PTCH1: variants seen among roughly 807,000 people sequenced by gnomAD.
The protein encoded by PTCH1 is protein patched homolog 1.
A neutral mutation model predicts 144.6 loss-of-function variants in PTCH1; 14 were observed. The ratio of observed to expected loss-of-function variants is 0.10; its 90% CI spans 0.06 to 0.15. PTCH1 has a LOEUF of 0.15. PTCH1 is among the 10% of genes least tolerant of loss of function. The pLI, the probability that PTCH1 is intolerant of heterozygous loss-of-function variation, is 1.00. For missense variants in PTCH1, 1,623 were observed against 1,948.3 expected (o/e 0.83, Z 3.14); for synonymous variants, 833 against 793.6 (o/e 1.05, Z -0.83).
At chr9:95,487,072 G>T (rs1842028287) in intron 2 of PTCH1, among the ~76,000 whole-genome samples, 1 of 152,190 alleles carries the variant, frequency 6.6e-6, no homozygotes, top group African/African-American at 2.4e-5. Context: ...GTTTGGACAA[G>T]TAAATAAGGA....
At position 95,478,874 on chromosome 9, in the gene PTCH1, C is replaced by T. The variant is rs188052079; in HGVS notation, c.1215+126G>A. On this transcript the variant is annotated intron_variant, in intron 8 of 23. Transcript: ENST00000331920. The stretch of plus-strand genomic sequence containing the variant: ...AAAGAAGAGGAAAAAAGTTTTCATC[C>T]CATCAAGTTCCCAGAATTGCAATGT... 1.0e-5 allele frequency: 15 copies of T among 1,445,286 alleles called. No individual in the cohort carries two copies. The East Asian group carries it at 3.7e-4, about 35-fold the overall frequency. 89.5% of individuals were successfully genotyped at this position (1,445,286 alleles called of 1,614,324 possible).
At chr9:95,505,259 C>A (rs1027672136) in intron 2 of PTCH1, among the ~76,000 whole-genome samples, 2 of 152,200 alleles carry the variant, frequency 1.3e-5, no homozygotes, top group African/African-American at 4.8e-5. Flanking sequence ...CATAACTCTT[C>A]AGCTTCCACA....
chr9:95,477,533 G>A lies in PTCH1; in HGVS notation c.1503+14C>T. ...ATTTGTCAACGGACAGCAGATAAAT[G>A]GCTCCTTTAGTACCTGAGTTGTTGC... On this transcript the variant is annotated intron_variant, in intron 10 of 23. Transcript: ENST00000331920. The A allele has an allele frequency of 6.2e-7, 1 of 1,614,122 alleles. No homozygotes were observed. Among genetic ancestry groups the A allele is most frequent in the South Asian group, 1.1e-5 (1 of 91,068 alleles).
At chr9:95,489,071 AT>A (rs1278553345) in intron 2 of PTCH1, among the ~76,000 whole-genome samples, 3 of 152,340 alleles carry the variant, frequency 2.0e-5, no homozygotes, top group Non-Finnish European at 4.4e-5. Flanking sequence ...CACGACACTC[AT>A]ATATTCTGAC....
intron 8 of PTCH1, 147 bp downstream of exon 8, chr9:95,478,853 A>G: frequency 8.0e-7 from 1 of 1,254,870 alleles, no homozygotes; most frequent in Admixed American, 2.1e-5. Flanking sequence ...AATATCAAAG[A>G]AGAGGAAAAA....
chr9:95,506,612 C>G lies in PTCH1; in HGVS notation c.202-13G>C, dbSNP rs1843669805. Reference sequence around the variant, plus strand: ...CAGTAGCCTTCCCCTGGGGACGAAGCAGAAGGGAGGAGTGAGCGCCGGGGA... The same window carrying G: ...CAGTAGCCTTCCCCTGGGGACGAAGGAGAAGGGAGGAGTGAGCGCCGGGGA... On this transcript the variant is annotated splice_polypyrimidine_tract_variant and intron_variant, in intron 1 of 23. Transcript: ENST00000331920. The G allele has an allele frequency of 6.2e-7, 1 of 1,604,490 alleles. No homozygotes were observed.
intron 20 of PTCH1, chr9:95,450,270 C>T (rs16909875): frequency 0.011 from 3,943 of 371,116 alleles, 122 homozygotes; most frequent in African/African-American, 0.074. Flanking sequence ...ATATGGAATG[C>T]GACCTGAATG....
chr9:95,451,692 C>T (rs574657596), intron 20 of PTCH1: 1 of 152,312 alleles, frequency 6.6e-6, no homozygotes. Flanking sequence ...TGCTGTTGTG[C>T]AAATGGCACT....
At chr9:95,488,492 A>G (rs1842147879) in intron 2 of PTCH1, among the ~76,000 whole-genome samples, 1 of 152,234 alleles carries the variant, frequency 6.6e-6, no homozygotes, top group African/African-American at 2.4e-5. Flanking sequence ...ATTTCATCTT[A>G]TATTTAACCA....
intron 12 of PTCH1, chr9:95,474,270 G>C: frequency 3.3e-6 from 1 of 306,238 alleles, no homozygotes; most frequent in Non-Finnish European, 6.5e-6. Flanking sequence ...GGCAGACAGG[G>C]TCCCATGACT....
chr9:95,516,828 G>A (rs748442274), exon 1 of PTCH1: 28 of 1,593,616 alleles, frequency 1.8e-5, no homozygotes, highest in Non-Finnish European at 2.3e-5. Flanking sequence ...CATGGCCCTC[G>A]GCGTGGGTGG....
chr9:95,487,301 G>C (rs1464320922), intron 2 of PTCH1, among the ~76,000 whole-genome samples: 1 of 152,178 alleles, frequency 6.6e-6, no homozygotes, highest in Non-Finnish European at 1.5e-5. Flanking sequence ...ATATCAGTTG[G>C]TTAATAAAAA....
intron 16 of PTCH1, among the ~76,000 whole-genome samples, chr9:95,460,294 G>C (rs1420126595): frequency 6.6e-6 from 1 of 152,204 alleles, no homozygotes; most frequent in Non-Finnish European, 1.5e-5. Flanking sequence ...CCCAGCGCCA[G>C]AAAGTGCAAG....
intron 23 of PTCH1, 120 bp downstream of exon 23, chr9:95,446,791 C>A (rs779873774): frequency 4.3e-5 from 57 of 1,325,852 alleles, no homozygotes; most frequent in Middle Eastern, 5.1e-4. Flanking sequence ...TCACTGGGGT[C>A]CAGCGTGGGA....
In PTCH1 at chr9:95,449,175, C is replaced by A. The variant is rs2136599226; in HGVS notation, c.3698G>T (p.Gly1233Val). The change falls in exon 22 of 24, where the codon GGC becomes GTC. Residue 1233 changes from glycine to valine, a missense_variant. By Grantham distance (109) the Gly-to-Val change is moderately radical. Coordinates refer to ENST00000331920, the MANE Select transcript of PTCH1 (RefSeq NM_000264.5). The surrounding 1 kb of genome is among the most constrained non-coding windows in gnomAD (Gnocchi z 5.3). ...GTAGTGCCGAAGCTCCTCGCTGAGG[C>A]CTGACACTGTCGTCTGGGAACTATA... ...SEYSSQTTVSGLSEELRHYEA... is the reference protein window; with the variant it reads ...SEYSSQTTVSVLSEELRHYEA... 1.9e-6 allele frequency: 3 copies of A among 1,612,790 alleles called. No homozygotes were observed. The highest frequency in any genetic ancestry group is 2.2e-5 in the South Asian group (2 of 90,786).
chr9:95,506,148 G>GC (rs1482548328), intron 2 of PTCH1: 4 of 261,272 alleles, frequency 1.5e-5, no homozygotes, highest in Non-Finnish European at 2.9e-5. Context: ...TCCCGGAGGG[G>GC]CCCCGCGCCC....
Position 95,516,728 on chromosome 9 carries a change from G to C in PTCH1, c.-257C>G, listed in dbSNP as rs756069384. On this transcript the variant is annotated 5_prime_UTR_variant, in exon 1 of 23. Transcript: ENST00000430669. ...CGTCTTTACAAAAGGAACGGAAAGT[G>C]TAAAAACCCCGGCGCGCTGGGCCGC... The C allele has an allele frequency of 6.2e-7, 1 of 1,613,002 alleles. No individual in the cohort carries two copies. Among genetic ancestry groups the C allele is most frequent in the African/African-American group, 1.3e-5 (1 of 74,758 alleles).
At position 95,484,497 on chromosome 9, in the gene PTCH1, G is replaced by A. The variant is rs573955655; in HGVS notation, c.584+1188C>T. Among the ~76,000 whole-genome samples, 5 of 152,306 alleles carry A rather than the reference G, an allele frequency of 3.3e-5. No individual in the cohort carries two copies. In the East Asian group the frequency reaches 9.6e-4, roughly 29 times the overall value. On this transcript the variant is annotated intron_variant, in intron 3 of 23. Coordinates refer to ENST00000331920, the MANE Select transcript of PTCH1 (RefSeq NM_000264.5). ...CGAGCTGGAATGTAAGCAGAGGTTA[G>A]AGAAGGGACAAGAAAAATCTTAATT... is the stretch of plus-strand genomic sequence containing the variant.
Position 95,478,152 on chromosome 9 carries a change from T to C in PTCH1, c.1250A>G (p.Gln417Arg), listed in dbSNP as rs1060502270. Residue 417 changes from glutamine to arginine, a missense_variant, in exon 9 of 24, where the codon CAA (glutamine) becomes CGA (arginine). Physicochemically the swap from Gln to Arg is conservative, Grantham distance 43. Around this residue, in one of 7 missense-constraint regions of PTCH1, gnomAD observed 230 missense variants for 271.0 expected, o/e 0.85. Coordinates refer to ENST00000331920, the MANE Select transcript of PTCH1 (RefSeq NM_000264.5). Reference sequence around the variant, plus strand: ...CGTGGTGGTGAAGGAAAGCACCTTTTGAGTGGAGTTCTGTGCGACACTCTG... The same window carrying C: ...CGTGGTGGTGAAGGAAAGCACCTTTCGAGTGGAGTTCTGTGCGACACTCTG... ...VHQSVAQNST[Q>R]KVLSFTTTTL... 5 of 1,614,184 alleles carry C rather than the reference T, an allele frequency of 3.1e-6. No homozygotes were observed. The highest frequency in any genetic ancestry group is 3.4e-6 in the Non-Finnish European group (4 of 1,180,038).
Sources: allele counts gnomAD v4.1 joint callset (sites outside exome capture counted in the v4.1 genomes callset), GRCh38; gene constraint gnomAD v4.1.1; regional missense constraint gnomAD v4.1.1; non-coding constraint Gnocchi (gnomAD v3.1); transcripts MANE v1.5; gene names NCBI Gene and HGNC (gene_info 2026-07-23, HGNC 2026-07-21).